JPH3: variants seen among roughly 807,000 people sequenced by gnomAD.
JPH3 encodes the protein junctophilin-3.
A neutral mutation model predicts 59.6 loss-of-function variants in JPH3; 11 were observed. That is an observed-to-expected ratio of 0.18 (90% CI 0.12 to 0.31). The LOEUF (loss-of-function observed/expected upper bound fraction) is 0.31, where lower values mean the gene tolerates loss of function less well. Ranked by LOEUF, JPH3 falls within the 10% of genes least tolerant of loss-of-function variation. JPH3 has a pLI of 1.00. For missense variants in JPH3, 1,202 were observed against 1,105.7 expected (o/e 1.09, Z -1.24); for synonymous variants, 673 against 483.6 (o/e 1.39, Z -5.14).
At chr16:87,672,366 G>C (rs1046015398) in intron 2 of JPH3, among the ~76,000 whole-genome samples, 1 of 152,216 alleles carries the variant, frequency 6.6e-6, no homozygotes, top group Admixed American at 6.5e-5. Flanking sequence ...CCTGCTCCCA[G>C]ACCCCCGCTG....
At chr16:87,677,185 T>TATATACACACACACACAC (rs1491266129) in intron 2 of JPH3, among the ~76,000 whole-genome samples, 12 of 95,196 alleles carry the variant, frequency 1.3e-4, no homozygotes, top group African/African-American at 4.2e-4. Context: ...TATATATATA[T>TATATACACACACACACAC]ACACACACAC....
rs181079479 is a variant in JPH3 at position 87,631,385 on chromosome 16, C to T, written c.383-12873C>T. ...TAGTATGCTAGGTTGAAAATCATTT[C>T]TGCTCATAATTTGGGGCGGTGGGGG... On this transcript the variant is annotated intron_variant, in intron 1 of 4. Coordinates refer to ENST00000284262, the MANE Select transcript of JPH3 (RefSeq NM_020655.4). 7.7e-4 allele frequency among the ~76,000 whole-genome samples: 117 copies of T among 152,310 alleles called. 1 individual carries two copies. The highest frequency in any genetic ancestry group is 2.7e-3 in the African/African-American group (112 of 41,578).
At chr16:87,619,357 A>G in intron 1 of JPH3, among the ~76,000 whole-genome samples, 1 of 151,074 alleles carries the variant, frequency 6.6e-6, no homozygotes, top group East Asian at 1.9e-4. Context: ...CTTACTGTTG[A>G]GTTGTGACAT....
chr16:87,616,235 TGTA>T (rs1369930509), intron 1 of JPH3, among the ~76,000 whole-genome samples: 20,226 of 126,690 alleles, frequency 0.16, 2,340 homozygotes, highest in Non-Finnish European at 0.24. Flanking sequence ...TGTGTGTGTG[TGTA>T]TTTTTTTTTT....
intron 2 of JPH3, among the ~76,000 whole-genome samples, chr16:87,681,718 A>C (rs140147950): frequency 2.0e-5 from 3 of 152,032 alleles, no homozygotes; most frequent in African/African-American, 7.3e-5. Flanking sequence ...CGGAAGGTCA[A>C]GTGCATGTGG....
chr16:87,691,472 C>T (rs947173680), intron 4 of JPH3, among the ~76,000 whole-genome samples: 4 of 152,100 alleles, frequency 2.6e-5, no homozygotes, highest in African/African-American at 4.8e-5. Flanking sequence ...GGGGGGTGTC[C>T]GCAGGGGGCG....
At chr16:87,656,973 C>T (rs1336289671) in intron 2 of JPH3, among the ~76,000 whole-genome samples, 1 of 152,104 alleles carries the variant, frequency 6.6e-6, no homozygotes, top group African/African-American at 2.4e-5. Context: ...CTTATAAGGT[C>T]ACCAGTCCCA....
chr16:87,612,542 G>C (rs2030768484), intron 1 of JPH3, among the ~76,000 whole-genome samples: 1 of 152,128 alleles, frequency 6.6e-6, no homozygotes, highest in Non-Finnish European at 1.5e-5. Context: ...GACATCACTT[G>C]GGAGCTTTGA....
intron 4 of JPH3, chr16:87,695,456 C>G (rs1446752567): frequency 2.2e-6 from 1 of 456,036 alleles, no homozygotes; most frequent in Middle Eastern, 3.3e-4. Flanking sequence ...GTGGAGGGCT[C>G]CGGGGGCTCT....
At chr16:87,621,328 T>C (rs1388298497) in intron 1 of JPH3, among the ~76,000 whole-genome samples, 1 of 152,092 alleles carries the variant, frequency 6.6e-6, no homozygotes, top group African/African-American at 2.4e-5. Context: ...CAAAATCCTA[T>C]AGACGGAGTC....
chr16:87,654,557 C>G (rs761191139), intron 2 of JPH3: 2 of 152,370 alleles, frequency 1.3e-5, no homozygotes, highest in Admixed American at 1.3e-4. Flanking sequence ...TCATCTGAGC[C>G]TCAGGCACGA....
chr16:87,649,418 G>T (rs942590340), intron 2 of JPH3, among the ~76,000 whole-genome samples: 2 of 152,222 alleles, frequency 1.3e-5, no homozygotes, highest in African/African-American at 4.8e-5. Context: ...CGCTGTCCCC[G>T]GGTGGACATA....
chr16:87,605,297 C>T (rs1270612190), intron 1 of JPH3, among the ~76,000 whole-genome samples: 2 of 152,204 alleles, frequency 1.3e-5, no homozygotes, highest in Non-Finnish European at 2.9e-5. Context: ...CCACGCTCCT[C>T]AGACATCTCC....
At chr16:87,676,070 C>A (rs778287051) in intron 2 of JPH3, among the ~76,000 whole-genome samples, 3 of 152,370 alleles carry the variant, frequency 2.0e-5, no homozygotes, top group Non-Finnish European at 2.9e-5. Flanking sequence ...AGTTAGATCA[C>A]GATGGTGGTG....
chr16:87,659,615 C>A (rs978897338), intron 2 of JPH3, among the ~76,000 whole-genome samples: 3 of 151,874 alleles, frequency 2.0e-5, no homozygotes, highest in African/African-American at 7.3e-5. Flanking sequence ...TGCCTGTAAT[C>A]CCAGTTACTC....
chr16:87,613,656 G>A (rs903438593), intron 1 of JPH3, among the ~76,000 whole-genome samples: 3 of 152,128 alleles, frequency 2.0e-5, no homozygotes, highest in South Asian at 2.1e-4. Flanking sequence ...TTGATCTGCA[G>A]TTGGTTGAAT....
At chr16:87,669,591 C>T (rs952786173) in intron 2 of JPH3, among the ~76,000 whole-genome samples, 1 of 152,122 alleles carries the variant, frequency 6.6e-6, no homozygotes, top group Non-Finnish European at 1.5e-5. Context: ...GTCAGTGGCC[C>T]GCGGTGAGAG....
intron 1 of JPH3, among the ~76,000 whole-genome samples, chr16:87,608,347 C>G (rs1597232068): frequency 1.3e-5 from 2 of 152,196 alleles, no homozygotes; most frequent in East Asian, 3.8e-4. Context: ...ATGTAACGCC[C>G]TTTGTGTCCT....
chr16:87,610,762 G>T (rs552219051), intron 1 of JPH3, among the ~76,000 whole-genome samples: 2 of 152,282 alleles, frequency 1.3e-5, no homozygotes, highest in East Asian at 3.9e-4. Context: ...TTTCATATGA[G>T]AAAGATGATG....
Sources: gnomAD v4.1 joint callset for allele counts (sites outside exome capture counted in the v4.1 genomes callset) on GRCh38, gnomAD v4.1.1 for gene constraint, MANE v1.5 for transcripts, NCBI Gene and HGNC (gene_info 2026-07-23, HGNC 2026-07-21) for gene names.